Variants in SCLT1 observed in about 807,000 individuals in gnomAD.
SCLT1 encodes the protein sodium channel-associated protein 1.
SCLT1 carries 78 observed loss-of-function variants against 112.8 expected under a neutral mutation model. That is an observed-to-expected ratio of 0.69 (90% CI 0.58 to 0.83). The LOEUF (loss-of-function observed/expected upper bound fraction) is 0.83. Ranked by LOEUF, SCLT1 falls within the 40% of genes least tolerant of loss-of-function variation. The pLI, the probability that SCLT1 is intolerant of heterozygous loss-of-function variation, is 0.00. For synonymous variants in SCLT1, 257 were observed against 254.7 expected (o/e 1.01, Z -0.09); for missense variants, 747 against 770.4 (o/e 0.97, Z 0.36).
At position 128,964,113 on chromosome 4, in the gene SCLT1, T is replaced by C. The variant is rs1445499637; in HGVS notation, c.869+1114A>G. ...AGAAAAAAGATTTTTAAAAAAGTAC[T>C]GCATGGACCATTCTGATATACCAGT... On this transcript the variant is annotated intron_variant, in intron 11 of 20. Coordinates refer to ENST00000281142, the MANE Select transcript of SCLT1 (RefSeq NM_144643.4). Among the ~76,000 whole-genome samples the C allele has an allele frequency of 3.3e-5, 5 of 152,338 alleles. No individual in the cohort carries two copies. The East Asian group carries it at 9.6e-4, about 29-fold the overall frequency.
intron 8 of SCLT1, among the ~76,000 whole-genome samples, chr4:128,993,139 T>A (rs1006064782): frequency 1.3e-5 from 2 of 152,076 alleles, no homozygotes; most frequent in African/African-American, 4.8e-5. Flanking sequence ...CAGGATGTCC[T>A]CATTCTGTCT....
intron 18 of SCLT1, among the ~76,000 whole-genome samples, chr4:128,931,320 T>A (rs1260111509): frequency 6.6e-6 from 1 of 152,180 alleles, no homozygotes; most frequent in Non-Finnish European, 1.5e-5. Flanking sequence ...AATTCGACAG[T>A]ATGACTAAAA....
At chr4:128,950,199 A>G (rs1738602688) in intron 14 of SCLT1, among the ~76,000 whole-genome samples, 1 of 152,096 alleles carries the variant, frequency 6.6e-6, no homozygotes, top group Non-Finnish European at 1.5e-5. Flanking sequence ...CTACATTCGT[A>G]ACTCCTCCCA....
At chr4:129,056,304 C>A (rs1375318575) in intron 2 of SCLT1, among the ~76,000 whole-genome samples, 1 of 152,184 alleles carries the variant, frequency 6.6e-6, no homozygotes, top group Non-Finnish European at 1.5e-5. Flanking sequence ...ATGTTCTTGG[C>A]ACCTTTTTTG....
chr4:128,999,655 A>G lies in SCLT1; in HGVS notation c.549+17T>C, dbSNP rs1398179098. 4 of 1,589,882 alleles carry G rather than the reference A, an allele frequency of 2.5e-6. No homozygotes were observed. Among genetic ancestry groups the G allele is most frequent in the East Asian group, 2.3e-5 (1 of 44,394 alleles). ...TTTCTTATTGATATACAAGAAAATG[A>G]TGAAATCCAAGATTACCTTTTGTTT... On this transcript the variant is annotated intron_variant, in intron 7 of 20. Transcript: ENST00000281142.
At chr4:129,030,281 G>A (rs1265684876) in intron 5 of SCLT1, among the ~76,000 whole-genome samples, 5 of 152,054 alleles carry the variant, frequency 3.3e-5, no homozygotes. Flanking sequence ...AAGACACAAT[G>A]TACCATAATC....
intron 9 of SCLT1, among the ~76,000 whole-genome samples, chr4:128,975,039 A>ATTTTTTTTTTTTTTTTTTTTTTT (rs1579564140): frequency 8.3e-5 from 5 of 60,126 alleles, no homozygotes; most frequent in Non-Finnish European, 1.1e-4. Context: ...TTGAATGACA[A>ATTTTTTTTTTTTTTTTTTTTTTT]CTTTTTTTTT....
chr4:129,066,816 T>A (rs1750526455), intron 2 of SCLT1, among the ~76,000 whole-genome samples: 1 of 152,118 alleles, frequency 6.6e-6, no homozygotes, highest in African/African-American at 2.4e-5. Flanking sequence ...ATGTGACAAA[T>A]GGCACTATAA....
intron 5 of SCLT1, among the ~76,000 whole-genome samples, chr4:129,026,349 T>C (rs1177386268): frequency 5.3e-5 from 8 of 152,124 alleles, no homozygotes; most frequent in Non-Finnish European, 7.4e-5. Context: ...TAACAAACTG[T>C]CTCTCAGACC....
intron 8 of SCLT1, among the ~76,000 whole-genome samples, chr4:128,996,871 G>A (rs1743055969): frequency 6.6e-6 from 1 of 151,636 alleles, no homozygotes; most frequent in African/African-American, 2.4e-5. Context: ...AATAAAATAG[G>A]GGCTCTGTGA....
intron 5 of SCLT1, among the ~76,000 whole-genome samples, chr4:129,007,009 A>C (rs553054337): frequency 6.6e-6 from 1 of 152,354 alleles, no homozygotes; most frequent in East Asian, 1.9e-4. Context: ...ACCTGTGAGT[A>C]ACATTTAGAG....
chr4:129,061,153 A>G (rs1305295023), intron 2 of SCLT1, among the ~76,000 whole-genome samples: 3 of 152,168 alleles, frequency 2.0e-5, no homozygotes, highest in Non-Finnish European at 4.4e-5. Context: ...GGGATAAGAC[A>G]CCATGTAGTG....
intron 5 of SCLT1, among the ~76,000 whole-genome samples, chr4:129,026,696 A>ATTT (rs1746123777): frequency 6.6e-6 from 1 of 152,226 alleles, no homozygotes. Context: ...GAAATAACTA[A>ATTT]GATCAGAGCA....
intron 4 of SCLT1, chr4:129,039,996 T>G: frequency 1.8e-6 from 1 of 557,234 alleles, no homozygotes; most frequent in Non-Finnish European, 3.2e-6. Flanking sequence ...AATTCATGAT[T>G]GTGTATTAGT....
intron 4 of SCLT1, chr4:128,875,056 A>T (rs1416900948): frequency 2.0e-5 from 3 of 151,994 alleles, no homozygotes; most frequent in Non-Finnish European, 4.4e-5. Context: ...AAGTATATGT[A>T]GAGATGACTA....
At chr4:129,085,626 A>G (rs989506673) in intron 1 of SCLT1, among the ~76,000 whole-genome samples, 1 of 152,220 alleles carries the variant, frequency 6.6e-6, no homozygotes, top group Non-Finnish European at 1.5e-5. Flanking sequence ...ATGCCTATCA[A>G]TGGTGGTCTG....
chr4:129,015,356 C>A (rs775854162), intron 5 of SCLT1, among the ~76,000 whole-genome samples: 18 of 152,216 alleles, frequency 1.2e-4, no homozygotes, highest in Admixed American at 3.9e-4. Flanking sequence ...CACTAGCACA[C>A]AAGCTATGAT....
At chr4:128,992,271 A>G in intron 8 of SCLT1, 34 bp from the exon 9 acceptor site, 2 of 1,329,614 alleles carry the variant, frequency 1.5e-6, no homozygotes, top group Non-Finnish European at 2.1e-6. Flanking sequence ...CAGTATTAGA[A>G]TATTTAATAA....
chr4:128,999,801 A>G lies in SCLT1; in HGVS notation c.427-7T>C. On this transcript the variant is annotated splice_region_variant and splice_polypyrimidine_tract_variant and intron_variant, in intron 6 of 20. Coordinates refer to ENST00000281142, the MANE Select transcript of SCLT1 (RefSeq NM_144643.4). ...CCACAGCCTGAGTTTTTTCCTATTA[A>G]AAAAGTTTGATAACTCATTAAATTA... The G allele has an allele frequency of 1.3e-6, 2 of 1,589,844 alleles. No homozygotes were observed. Among genetic ancestry groups the G allele is most frequent in the Non-Finnish European group, 1.7e-6 (2 of 1,168,898 alleles).
Sources: allele counts gnomAD v4.1 joint callset (sites outside exome capture counted in the v4.1 genomes callset), GRCh38; gene constraint gnomAD v4.1.1; transcripts MANE v1.5; gene names NCBI Gene and HGNC (gene_info 2026-07-23, HGNC 2026-07-21).